The following ABCD3 variants were observed in gnomAD, a reference collection of about 807,000 sequenced individuals.
ABCD3 encodes ATP binding cassette subfamily D member 3, also known as ATP-binding cassette sub-family D member 3.
ABCD3 carries 41 observed loss-of-function variants against 105.5 expected under a neutral mutation model. That is an observed-to-expected ratio of 0.39 (90% CI 0.30 to 0.50). The LOEUF (loss-of-function observed/expected upper bound fraction) is 0.50. Among genes scored for constraint, ABCD3 ranks in the 20% least tolerant of loss-of-function variants. The probability of loss-of-function intolerance (pLI) is 0.84; values close to 1 mark genes in which losing one functional copy is unlikely to be tolerated. For synonymous variants in ABCD3, 258 were observed against 269.0 expected (o/e 0.96, Z 0.40); for missense variants, 622 against 806.3 (o/e 0.77, Z 2.77).
chr1:94,413,340 C>T, the ABCD3 span, among the ~76,000 whole-genome samples: 1 of 151,742 alleles, frequency 6.6e-6, no homozygotes, highest in Admixed American at 6.6e-5. Flanking sequence ...TTGGCTCTTT[C>T]CCTCATGATA....
At chr1:94,505,123 C>T (rs574187353) in intron 20 of ABCD3, among the ~76,000 whole-genome samples, 4 of 152,218 alleles carry the variant, frequency 2.6e-5, no homozygotes, top group East Asian at 1.9e-4. Flanking sequence ...AGACTTTTAA[C>T]GTTTGAGAGT....
chr1:94,496,721 T>A (rs1649822946), intron 16 of ABCD3, among the ~76,000 whole-genome samples: 1 of 116,052 alleles, frequency 8.6e-6, no homozygotes, highest in Non-Finnish European at 1.8e-5. Context: ...TTTTTTTTTT[T>A]TTGAATAGGA....
chr1:94,464,707 C>A, intron 2 of ABCD3, 68 bp from the exon 3 acceptor site: 2 of 1,358,734 alleles, frequency 1.5e-6, no homozygotes, highest in Admixed American at 3.5e-5. Context: ...TTAGATGAAA[C>A]ATGGTTCTTT....
At chr1:94,386,390 T>C in the ABCD3 span, among the ~76,000 whole-genome samples, 2 of 152,258 alleles carry the variant, frequency 1.3e-5, no homozygotes, top group Non-Finnish European at 2.9e-5. Context: ...TCAAAGCAAG[T>C]GTCAAATTAC....
At chr1:94,488,189 G>C (rs563765138) in intron 13 of ABCD3, among the ~76,000 whole-genome samples, 1 of 152,222 alleles carries the variant, frequency 6.6e-6, no homozygotes, top group East Asian at 1.9e-4. Flanking sequence ...CAGTAGATTA[G>C]AGGCTGTCAA....
intron 1 of ABCD3, among the ~76,000 whole-genome samples, chr1:94,430,738 T>A (rs1018634247): frequency 1.3e-5 from 2 of 152,210 alleles, no homozygotes; most frequent in Non-Finnish European, 2.9e-5. Flanking sequence ...CAGACTAACA[T>A]GGTGTCTCAG....
chr1:94,513,180 G>A (rs1650765912), intron 21 of ABCD3, among the ~76,000 whole-genome samples: 2 of 151,898 alleles, frequency 1.3e-5, no homozygotes, highest in Admixed American at 1.3e-4. Flanking sequence ...ATTTGCTTTG[G>A]TAATATATAA....
At chr1:94,490,639 A>G (rs1649486799) in intron 15 of ABCD3, among the ~76,000 whole-genome samples, 1 of 151,992 alleles carries the variant, frequency 6.6e-6, no homozygotes, top group Non-Finnish European at 1.5e-5. Context: ...TACACACTGT[A>G]CACACTATAT....
At chr1:94,476,877 TTCTC>T (rs971883511) in intron 7 of ABCD3, among the ~76,000 whole-genome samples, 1 of 151,940 alleles carries the variant, frequency 6.6e-6, no homozygotes, top group African/African-American at 2.4e-5. Flanking sequence ...TGAAAGTTTG[TTCTC>T]TCTCTTTCTC....
intron 20 of ABCD3, among the ~76,000 whole-genome samples, chr1:94,502,602 T>C (rs1417373331): frequency 3.9e-5 from 6 of 151,942 alleles, no homozygotes; most frequent in East Asian, 1.9e-4. Context: ...GTTCAAGAGA[T>C]TCTCCTGCCT....
intron 5 of ABCD3, 33 bp from the exon 6 acceptor site, chr1:94,475,110 G>A (rs1382153728): frequency 1.4e-6 from 2 of 1,383,862 alleles, no homozygotes; most frequent in Non-Finnish European, 1.0e-6. Context: ...GAAATGAAAA[G>A]CAAAACCAAT....
chr1:94,447,340 A>G (rs1012401826), intron 1 of ABCD3, among the ~76,000 whole-genome samples: 5 of 152,234 alleles, frequency 3.3e-5, no homozygotes, highest in African/African-American at 9.6e-5. Flanking sequence ...TATACAACCT[A>G]TGGGAGCATG....
chr1:94,470,055 C>A (rs1448330726), intron 4 of ABCD3, among the ~76,000 whole-genome samples: 1 of 152,028 alleles, frequency 6.6e-6, no homozygotes, highest in Non-Finnish European at 1.5e-5. Context: ...AATTAAATAA[C>A]CTGTTTCTGG....
intron 1 of ABCD3, chr1:94,432,635 G>A (rs904077851): frequency 2.0e-5 from 3 of 151,978 alleles, no homozygotes; most frequent in African/African-American, 7.3e-5. Flanking sequence ...CCTTAAGTTC[G>A]AATTAACCAT....
intron 7 of ABCD3, among the ~76,000 whole-genome samples, chr1:94,476,975 A>G (rs1648777671): frequency 6.6e-6 from 1 of 151,798 alleles, no homozygotes; most frequent in African/African-American, 2.4e-5. Flanking sequence ...ACAACTTTCC[A>G]TGTAATTTTA....
intron 21 of ABCD3, among the ~76,000 whole-genome samples, chr1:94,513,236 A>G (rs1010718045): frequency 6.6e-5 from 10 of 152,040 alleles, no homozygotes; most frequent in African/African-American, 2.4e-4. Flanking sequence ...GGTATTAGAG[A>G]TGTTTATGGT....
At chr1:94,513,547 A>G (rs1650781636) in intron 21 of ABCD3, 1 of 152,112 alleles carries the variant, frequency 6.6e-6, no homozygotes, top group Non-Finnish European at 1.5e-5. Context: ...TACACATTAA[A>G]TACATTAAAT....
intron 20 of ABCD3, among the ~76,000 whole-genome samples, chr1:94,506,094 G>A (rs144585804): frequency 1.5e-4 from 23 of 152,174 alleles, no homozygotes; most frequent in Non-Finnish European, 2.9e-4. Context: ...TATAAAACAG[G>A]TACAATAAAA....
chr1:94,471,887 T>C (rs929254367), intron 4 of ABCD3, among the ~76,000 whole-genome samples: 1 of 152,202 alleles, frequency 6.6e-6, no homozygotes, highest in East Asian at 1.9e-4. Context: ...TATTTTAAGC[T>C]TATTTGTTGA....
Sources: gnomAD v4.1 joint callset for allele counts (sites outside exome capture counted in the v4.1 genomes callset) on GRCh38, gnomAD v4.1.1 for gene constraint, MANE v1.5 for transcripts, NCBI Gene and HGNC (gene_info 2026-07-23, HGNC 2026-07-21) for gene names.